The following DACH1 variants were observed in gnomAD, a reference collection of about 807,000 sequenced individuals.
DACH1 encodes dachshund homolog 1.
Under a neutral mutation model 54.2 loss-of-function variants are expected in DACH1, and 12 were observed. That is an observed-to-expected ratio of 0.22 (90% CI 0.14 to 0.36). The LOEUF is 0.36. Ranked by LOEUF, DACH1 falls within the 10% of genes least tolerant of loss-of-function variation. The pLI, the probability that DACH1 is intolerant of heterozygous loss-of-function variation, is 1.00. For missense variants in DACH1, 805 were observed against 929.8 expected (o/e 0.87, Z 1.75); for synonymous variants, 386 against 366.2 (o/e 1.05, Z -0.62).
At chr13:71,484,806 G>A (rs912939791) in intron 7 of DACH1, among the ~76,000 whole-genome samples, 1 of 152,124 alleles carries the variant, frequency 6.6e-6, no homozygotes, top group Non-Finnish European at 1.5e-5. Flanking sequence ...GGTGGCTCAC[G>A]CCTGTAACCC....
chr13:71,460,350 GT>G (rs1555282701), intron 10 of DACH1, among the ~76,000 whole-genome samples: 2 of 151,942 alleles, frequency 1.3e-5, no homozygotes, highest in Non-Finnish European at 2.9e-5. Context: ...TGTTATCAGT[GT>G]TTTTGGAATT....
At chr13:71,619,393 A>T (rs2138537674) in intron 3 of DACH1, among the ~76,000 whole-genome samples, 1 of 152,110 alleles carries the variant, frequency 6.6e-6, no homozygotes, top group South Asian at 2.1e-4. Flanking sequence ...AAAAGCAAAA[A>T]GCAACAACTA....
At chr13:71,696,236 T>G (rs1021332740) in intron 1 of DACH1, among the ~76,000 whole-genome samples, 2 of 152,170 alleles carry the variant, frequency 1.3e-5, no homozygotes, top group Non-Finnish European at 2.9e-5. Context: ...TAAGAAATCA[T>G]GAGATCTAAT....
intron 2 of DACH1, among the ~76,000 whole-genome samples, chr13:71,655,935 A>G (rs376469408): frequency 6.6e-6 from 1 of 152,362 alleles, no homozygotes; most frequent in East Asian, 1.9e-4. Context: ...ATTCTGGAAC[A>G]GTCACATTTT....
chr13:71,693,296 CTTTTTTTTT>C lies in DACH1; in HGVS notation c.849-11395_849-11387del, dbSNP rs869289138. ...AATACCCTCTTATCCATTTGTTTTG[CTTTTTTTTT>C]TTTTTTTTTTTTTTGAGACAAGAGT... On this transcript the variant is annotated intron_variant, in intron 1 of 10. Coordinates refer to ENST00000613252, the MANE Select transcript of DACH1 (RefSeq NM_080759.6). Among the ~76,000 whole-genome samples, 3 of 90,962 alleles carry C rather than the reference CTTTTTTTTT, an allele frequency of 3.3e-5. No homozygotes were observed. The South Asian group carries it at 1.1e-3, about 34-fold the overall frequency. 59.7% of individuals were successfully genotyped at this position (90,962 alleles called of 152,430 possible).
chr13:71,780,327 G>T (rs990222235), intron 1 of DACH1, among the ~76,000 whole-genome samples: 1 of 152,058 alleles, frequency 6.6e-6, no homozygotes, highest in Non-Finnish European at 1.5e-5. Context: ...ACATTTTTAT[G>T]TGATCAATCA....
intron 6 of DACH1, among the ~76,000 whole-genome samples, chr13:71,545,923 G>A (rs1883436541): frequency 6.6e-6 from 1 of 152,036 alleles, no homozygotes; most frequent in African/African-American, 2.4e-5. Flanking sequence ...AATCAAGGCA[G>A]AGAGGCATGC....
Position 71,561,961 on chromosome 13 carries a change from TA to T in DACH1, c.1300-2007del, listed in dbSNP as rs770439380. Among the ~76,000 whole-genome samples the T allele has an allele frequency of 5.6e-3, 802 of 143,004 alleles. 2 individuals carry two copies. Among genetic ancestry groups the T allele is most frequent in the African/African-American group, 0.014 (561 of 39,266 alleles). The allele number at this position is 143,004 out of a possible 152,430, so 93.8% of individuals were successfully genotyped here. A position where few individuals can be genotyped will look rare whatever the true frequency, so the allele number is the denominator to read the frequency against. On this transcript the variant is annotated intron_variant, in intron 4 of 10. Coordinates refer to ENST00000613252, the MANE Select transcript of DACH1 (RefSeq NM_080759.6). ...TTTCCTAACATATATTCCATGGAAT[TA>T]AAAAAAAAAAGCGCTATAAGAAGCT... is the stretch of plus-strand genomic sequence containing the variant.
intron 3 of DACH1, among the ~76,000 whole-genome samples, chr13:71,609,886 G>T (rs961350145): frequency 6.6e-6 from 1 of 152,064 alleles, no homozygotes; most frequent in Non-Finnish European, 1.5e-5. Flanking sequence ...ACCCATTCTG[G>T]ATGGTAGTCA....
chr13:71,813,718 C>G (rs1404561733), intron 1 of DACH1, among the ~76,000 whole-genome samples: 1 of 152,056 alleles, frequency 6.6e-6, no homozygotes. Flanking sequence ...CTCAAAAGCA[C>G]AAGTTCTATG....
intron 6 of DACH1, among the ~76,000 whole-genome samples, chr13:71,513,734 T>C (rs897084375): frequency 1.3e-5 from 2 of 152,076 alleles, no homozygotes; most frequent in African/African-American, 4.8e-5. Context: ...TATAATGTAT[T>C]ATTTATGTGG....
chr13:71,499,652 A>G (rs113311315), intron 6 of DACH1, among the ~76,000 whole-genome samples: 93 of 152,192 alleles, frequency 6.1e-4, no homozygotes, highest in Non-Finnish European at 1.2e-3. Flanking sequence ...GAACTCAGAA[A>G]TAGAACAAGG....
At chr13:71,471,083 G>A (rs934442185) in intron 10 of DACH1, among the ~76,000 whole-genome samples, 2 of 151,982 alleles carry the variant, frequency 1.3e-5, no homozygotes. Flanking sequence ...CAAGGAAGAA[G>A]AAAAAATGTC....
At chr13:71,478,176 T>A (rs1031016185) in intron 8 of DACH1, among the ~76,000 whole-genome samples, 2 of 152,332 alleles carry the variant, frequency 1.3e-5, no homozygotes, top group East Asian at 1.9e-4. Flanking sequence ...TCACTTGGAA[T>A]ACAGCCATTA....
At chr13:71,476,353 T>G (rs867406249) in intron 8 of DACH1, among the ~76,000 whole-genome samples, 12 of 152,212 alleles carry the variant, frequency 7.9e-5, no homozygotes, top group Admixed American at 1.3e-4. Flanking sequence ...TTTTTAATAA[T>G]TTCTTTCTTA....
chr13:71,775,039 C>T (rs1028529403), intron 1 of DACH1, among the ~76,000 whole-genome samples: 3 of 147,506 alleles, frequency 2.0e-5, no homozygotes, highest in South Asian at 2.2e-4. Context: ...AATCCCAGCA[C>T]TTTGAGAGAT....
chr13:71,740,332 CAT>C (rs1884328721), intron 1 of DACH1, among the ~76,000 whole-genome samples: 1 of 151,958 alleles, frequency 6.6e-6, no homozygotes, highest in South Asian at 2.1e-4. Flanking sequence ...AAAAAAATTA[CAT>C]GATTTCAAGA....
intron 10 of DACH1, among the ~76,000 whole-genome samples, chr13:71,472,374 A>G (rs975149385): frequency 1.3e-5 from 2 of 152,200 alleles, no homozygotes; most frequent in Non-Finnish European, 2.9e-5. Flanking sequence ...CAAAATGCCA[A>G]TGAGGCAATA....
chr13:71,574,896 T>C (rs1262936599), intron 3 of DACH1, among the ~76,000 whole-genome samples: 5 of 152,052 alleles, frequency 3.3e-5, no homozygotes, highest in African/African-American at 1.2e-4. Context: ...ATTCACAAAT[T>C]TATACACCTT....
Sources: gnomAD v4.1 joint callset for allele counts (sites outside exome capture counted in the v4.1 genomes callset) on GRCh38, gnomAD v4.1.1 for gene constraint, MANE v1.5 for transcripts, NCBI Gene and HGNC (gene_info 2026-07-23, HGNC 2026-07-21) for gene names.